The following PRSS23 variants were observed in gnomAD, a reference collection of about 807,000 sequenced individuals.
PRSS23 encodes protease, serine 23.
Under a neutral mutation model 34.7 loss-of-function variants are expected in PRSS23, and 25 were observed. The ratio of observed to expected loss-of-function variants is 0.72; its 90% CI spans 0.53 to 1.01. The LOEUF (loss-of-function observed/expected upper bound fraction) is 1.01, where lower values mean the gene tolerates loss of function less well. PRSS23 is among the 50% of genes least tolerant of loss of function. The pLI, the probability that PRSS23 is intolerant of heterozygous loss-of-function variation, is 0.00. For synonymous variants in PRSS23, 176 were observed against 186.6 expected, an observed-to-expected ratio of 0.94 and a Z score of 0.46; for missense variants, 445 against 475.6, an observed-to-expected ratio of 0.94 and a Z score of 0.60.
At chr11:86,802,632 T>C (rs1001217372) in intron 1 of PRSS23, among the ~76,000 whole-genome samples, 34 of 152,234 alleles carry the variant, frequency 2.2e-4, no homozygotes, top group Non-Finnish European at 4.3e-4. Context: ...CTGTCATTAC[T>C]GTTTATAGCG....
intron 2 of PRSS23, among the ~76,000 whole-genome samples, chr11:86,876,720 T>A (rs1274002045): frequency 1.0e-5 from 1 of 100,238 alleles, no homozygotes; most frequent in South Asian, 3.5e-4. Context: ...TATATAACAG[T>A]TAACATTGCA....
intron 2 of PRSS23, among the ~76,000 whole-genome samples, chr11:86,877,468 AT>A (rs1436466861): frequency 2.6e-5 from 4 of 152,016 alleles, no homozygotes; most frequent in African/African-American, 9.7e-5. Flanking sequence ...TTATTAACAT[AT>A]TTTTATTGAG....
chr11:86,877,105 T>C (rs541685269), intron 2 of PRSS23, among the ~76,000 whole-genome samples: 1 of 152,294 alleles, frequency 6.6e-6, no homozygotes, highest in South Asian at 2.1e-4. Flanking sequence ...TAATGTGCAG[T>C]ATAAGTGTTT....
intron 2 of PRSS23, among the ~76,000 whole-genome samples, chr11:86,929,670 G>A (rs1232253677): frequency 6.6e-6 from 1 of 152,202 alleles, no homozygotes; most frequent in Non-Finnish European, 1.5e-5. Context: ...TATACAATTT[G>A]TACCAGCAAT....
chr11:86,951,101 T>C, intron 2 of PRSS23: 1 of 1,602,588 alleles, frequency 6.2e-7, no homozygotes, highest in Middle Eastern at 1.7e-4. Context: ...ATGCTGGCAT[T>C]CCCCCCTTCA....
chr11:86,843,850 G>A (rs1948466604), intron 2 of PRSS23, among the ~76,000 whole-genome samples: 1 of 152,232 alleles, frequency 6.6e-6, no homozygotes, highest in Non-Finnish European at 1.5e-5. Flanking sequence ...GTGGAAGACA[G>A]TGTGGCAATT....
chr11:86,889,066 G>A (rs1948823921), intron 2 of PRSS23, among the ~76,000 whole-genome samples: 1 of 152,216 alleles, frequency 6.6e-6, no homozygotes, highest in Non-Finnish European at 1.5e-5. Context: ...TTTAGGAAAT[G>A]ACAAGGAAGT....
At chr11:86,939,431 T>TTTTTTTTAAAAAATATATATATATATA (rs1555084022) in intron 2 of PRSS23, among the ~76,000 whole-genome samples, 1 of 141,752 alleles carries the variant, frequency 7.1e-6, no homozygotes, top group East Asian at 2.0e-4. Flanking sequence ...TATATATTTT[T>TTTTTTTTAAAAAATATATATATATATA]TAACATGAGT....
intron 2 of PRSS23, chr11:86,857,574 C>T: frequency 2.1e-6 from 1 of 486,142 alleles, no homozygotes; most frequent in South Asian, 1.5e-5. Flanking sequence ...GACACCAAAA[C>T]TAAGAAGACA....
At chr11:86,943,869 A>G (rs773457473) in intron 2 of PRSS23, among the ~76,000 whole-genome samples, 3 of 151,702 alleles carry the variant, frequency 2.0e-5, no homozygotes, top group Admixed American at 1.3e-4. Context: ...TCAGCCTCCC[A>G]AGTAGCTGGG....
At chr11:86,885,320 C>T (rs1414450584) in intron 2 of PRSS23, among the ~76,000 whole-genome samples, 4 of 152,236 alleles carry the variant, frequency 2.6e-5, no homozygotes, top group Non-Finnish European at 5.9e-5. Context: ...ATATTATGCA[C>T]ACCATATGAC....
chr11:86,952,232 A>G, exon 3 of PRSS23: 8 of 1,614,080 alleles, frequency 5.0e-6, no homozygotes, highest in Non-Finnish European at 6.8e-6. Context: ...CCCAGGCTGG[A>G]TGGGGGTTTT....
At chr11:86,878,233 C>CCTCCCTCTCCCTCATCTCCCT in intron 2 of PRSS23, among the ~76,000 whole-genome samples, 1 of 84,866 alleles carries the variant, frequency 1.2e-5, no homozygotes, top group East Asian at 3.8e-4. Flanking sequence ...TACCCCTCCC[C>CCTCCCTCTCCCTCATCTCCCT]CTCCCTCTCC....
At chr11:86,863,363 G>C (rs1288355257) in intron 2 of PRSS23, among the ~76,000 whole-genome samples, 1 of 152,050 alleles carries the variant, frequency 6.6e-6, no homozygotes, top group Non-Finnish European at 1.5e-5. Context: ...TCAGTTCCTT[G>C]AGGAGAGAAC....
intron 2 of PRSS23, among the ~76,000 whole-genome samples, chr11:86,920,746 A>G (rs1170410965): frequency 1.3e-5 from 2 of 152,104 alleles, no homozygotes; most frequent in Non-Finnish European, 2.9e-5. Context: ...TCTACTTCCC[A>G]TTGTAGCCAA....
At chr11:86,818,854 T>A (rs1025987073) in intron 1 of PRSS23, among the ~76,000 whole-genome samples, 1 of 152,200 alleles carries the variant, frequency 6.6e-6, no homozygotes, top group Non-Finnish European at 1.5e-5. Flanking sequence ...TGTTAATCAA[T>A]ACATGCCATT....
chr11:86,829,303 G>A (rs1364393738), intron 2 of PRSS23, among the ~76,000 whole-genome samples: 2 of 152,140 alleles, frequency 1.3e-5, no homozygotes, highest in Non-Finnish European at 2.9e-5. Context: ...TGAGGCTTCT[G>A]CATTCTTCAT....
chr11:86,935,654 C>G (rs958514044), intron 2 of PRSS23: 1 of 151,996 alleles, frequency 6.6e-6, no homozygotes, highest in African/African-American at 2.4e-5. Context: ...GGTAATTACC[C>G]CAATGACTCT....
At chr11:86,883,079 G>T (rs2511884) in intron 2 of PRSS23, among the ~76,000 whole-genome samples, 70,577 of 151,996 alleles carry the variant, frequency 0.46, 17,698 homozygotes, top group Non-Finnish European at 0.56. Context: ...ATTTGTTTAA[G>T]TTCCTTATAG....
Sources: gnomAD v4.1 joint callset for allele counts (sites outside exome capture counted in the v4.1 genomes callset) on GRCh38, gnomAD v4.1.1 for gene constraint, MANE v1.5 for transcripts, NCBI Gene and HGNC (gene_info 2026-07-23, HGNC 2026-07-21) for gene names.